PIWIL2: variants seen among roughly 807,000 people sequenced by gnomAD.
The protein encoded by PIWIL2 is piwi like RNA-mediated gene silencing 2.
A neutral mutation model predicts 116.5 loss-of-function variants in PIWIL2; 81 were observed. The ratio of observed to expected loss-of-function variants is 0.70; its 90% confidence interval spans 0.58 to 0.84. The LOEUF is 0.84. Ranked by LOEUF, PIWIL2 falls within the 40% of genes least tolerant of loss-of-function variation. The pLI, the probability that PIWIL2 is intolerant of heterozygous loss-of-function variation, is 0.00. For missense variants in PIWIL2, 1,272 were observed against 1,212.3 expected, an observed-to-expected ratio of 1.05 and a Z score of -0.73; for synonymous variants, 489 against 429.5, an observed-to-expected ratio of 1.14 and a Z score of -1.71.
In PIWIL2 at chr8:22,296,367, A is replaced by C. The variant is rs561961834; in HGVS notation, c.1181+6021A>C. ...GCCCCCTCTTCCCTTCTTAAGGGGA[A>C]TCTCCTGTATGTCAGATCTCATAAC... On this transcript the variant is annotated intron_variant, in intron 10 of 22. Coordinates refer to ENST00000356766, the MANE Select transcript of PIWIL2 (RefSeq NM_018068.5). Among the ~76,000 whole-genome samples the C allele has an allele frequency of 1.3e-5, 2 of 152,022 alleles. 1 individual carries two copies. Among genetic ancestry groups the C allele is most frequent in the South Asian group, 4.1e-4 (2 of 4,824 alleles).
chr8:22,281,137 C>G lies in PIWIL2; in HGVS notation c.216C>G (p.Val72=), dbSNP rs1412847597. 1 of 1,611,126 alleles carries G rather than the reference C, an allele frequency of 6.2e-7. No homozygotes were observed. The highest frequency in any genetic ancestry group is 8.5e-7 in the Non-Finnish European group (1 of 1,178,692). The change falls in exon 3 of 23, where the codon GTC becomes GTG. Residue 72 remains valine (V), a synonymous_variant. Coordinates refer to ENST00000356766, the MANE Select transcript of PIWIL2 (RefSeq NM_018068.5). ...GPAQRESVGL[V]SMFRGLGIET... The stretch of plus-strand genomic sequence containing the variant: ...TTCCACAGGAGTCTGTGGGTTTGGT[C>G]TCCATGTTCCGAGGCCTGGGCATTG...
intron 10 of PIWIL2, among the ~76,000 whole-genome samples, chr8:22,301,273 T>C (rs1831041730): frequency 6.6e-6 from 1 of 151,892 alleles, no homozygotes; most frequent in Admixed American, 6.6e-5. Context: ...ACCCGGCCAG[T>C]GGTCCCTTTT....
chr8:22,322,341 C>T (rs1029657413), intron 20 of PIWIL2, among the ~76,000 whole-genome samples: 3 of 152,160 alleles, frequency 2.0e-5, no homozygotes, highest in African/African-American at 7.2e-5. Flanking sequence ...GCCTCAACCT[C>T]CTGGGCTCAA....
At chr8:22,281,062 C>G in intron 2 of PIWIL2, 58 bp from the exon 3 acceptor site, 1 of 950,954 alleles carries the variant, frequency 1.1e-6, no homozygotes, top group African/African-American at 1.7e-5. Context: ...ACTAAGAAAG[C>G]CCTTGTTTCT....
chr8:22,338,092 C>CA (rs971328900), intron 20 of PIWIL2, among the ~76,000 whole-genome samples: 2,526 of 126,776 alleles, frequency 0.02, 64 homozygotes, highest in African/African-American at 0.067. Context: ...GACTCCATCT[C>CA]AAAAAAAAAA....
At chr8:22,313,566 C>A (rs80269265) in intron 16 of PIWIL2, among the ~76,000 whole-genome samples, 268 of 152,306 alleles carry the variant, frequency 1.8e-3, no homozygotes, top group African/African-American at 6.1e-3. Flanking sequence ...TGCTTGGTGT[C>A]GTTGCTCAAT....
chr8:22,287,450 C>A, intron 6 of PIWIL2, 78 bp from the exon 7 acceptor site: 1 of 897,778 alleles, frequency 1.1e-6, no homozygotes, highest in Non-Finnish European at 1.9e-6. Context: ...TACTGGGTAA[C>A]TAGCACCTGT....
chr8:22,321,670 C>G (rs909488498), intron 20 of PIWIL2, among the ~76,000 whole-genome samples: 1 of 152,150 alleles, frequency 6.6e-6, no homozygotes, highest in African/African-American at 2.4e-5. Flanking sequence ...GAACTATGAT[C>G]ATGTCAGCCC....
intron 21 of PIWIL2, 61 bp from the exon 22 acceptor site, chr8:22,354,210 C>A: frequency 9.1e-7 from 1 of 1,098,958 alleles, no homozygotes; most frequent in Admixed American, 1.7e-5. Flanking sequence ...TCTCCAGGAT[C>A]TTTGCCAGCT....
At chr8:22,316,483 T>C in intron 19 of PIWIL2, 150 bp downstream of exon 19, 2 of 546,786 alleles carry the variant, frequency 3.7e-6, no homozygotes, top group Non-Finnish European at 6.5e-6. Flanking sequence ...AATTTTTTTT[T>C]TCGGGGGGGA....
rs576488799 is a variant in PIWIL2 at position 22,293,299 on chromosome 8, A to ACCCT, written c.1181+2954_1181+2957dup. ...ACTCCAGCCTAGGCAAGCAAGTGAG[A>ACCCT]CCCTGTCTTCAAAAAAACAGAACTA... On this transcript the variant is annotated intron_variant, in intron 10 of 22. Coordinates refer to ENST00000356766, the MANE Select transcript of PIWIL2 (RefSeq NM_018068.5). Among the ~76,000 whole-genome samples the ACCCT allele has an allele frequency of 1.1e-4, 17 of 151,608 alleles. No homozygotes were observed. The South Asian group carries it at 3.1e-3, about 28-fold the overall frequency.
intron 16 of PIWIL2, among the ~76,000 whole-genome samples, chr8:22,314,118 C>T (rs1009551376): frequency 1.3e-5 from 2 of 152,118 alleles, no homozygotes; most frequent in South Asian, 2.1e-4. Flanking sequence ...TAACATATTA[C>T]CTATCTATAC....
intron 5 of PIWIL2, 75 bp downstream of exon 5, chr8:22,283,315 G>A: frequency 8.3e-7 from 1 of 1,198,102 alleles, no homozygotes; most frequent in East Asian, 2.5e-5. Flanking sequence ...GTGTAGTATT[G>A]TAAAATCTGT....
At chr8:22,287,857 C>G (rs546296139) in intron 7 of PIWIL2, among the ~76,000 whole-genome samples, 1 of 152,098 alleles carries the variant, frequency 6.6e-6, no homozygotes, top group Non-Finnish European at 1.5e-5. Flanking sequence ...CCTGTATGTT[C>G]GAGTTGTGCT....
At chr8:22,294,899 GGAA>G (rs1290268827) in intron 10 of PIWIL2, among the ~76,000 whole-genome samples, 10 of 79,418 alleles carry the variant, frequency 1.3e-4, no homozygotes, top group East Asian at 3.5e-4. Context: ...CATCTTTACT[GGAA>G]AAAAAAAAAA....
intron 2 of PIWIL2, among the ~76,000 whole-genome samples, chr8:22,279,913 C>G (rs141726429): frequency 1.3e-5 from 2 of 152,126 alleles, no homozygotes; most frequent in African/African-American, 4.8e-5. Flanking sequence ...GCTGAGATCT[C>G]GCCAGTGCAC....
intron 22 of PIWIL2, among the ~76,000 whole-genome samples, 155 bp downstream of exon 22, chr8:22,354,533 C>A (rs184678244): frequency 4.6e-5 from 7 of 152,182 alleles, no homozygotes; most frequent in African/African-American, 1.7e-4. Context: ...GATTGGAAAT[C>A]CTGGTTTTAT....
At chr8:22,337,490 A>G (rs901922396) in intron 20 of PIWIL2, among the ~76,000 whole-genome samples, 2 of 152,092 alleles carry the variant, frequency 1.3e-5, no homozygotes, top group African/African-American at 4.8e-5. Context: ...GCACTTTGGG[A>G]GGCTGAGGCG....
intron 20 of PIWIL2, 93 bp from the exon 21 acceptor site, chr8:22,352,866 A>T: frequency 7.8e-7 from 1 of 1,290,082 alleles, no homozygotes; most frequent in Non-Finnish European, 1.1e-6. Context: ...ATCTGCCATG[A>T]TTCCAGGCTA....
Sources: gnomAD v4.1 joint callset for allele counts (sites outside exome capture counted in the v4.1 genomes callset) on GRCh38, gnomAD v4.1.1 for gene constraint, MANE v1.5 for transcripts, NCBI Gene and HGNC (gene_info 2026-07-23, HGNC 2026-07-21) for gene names.